Variants in GALNT13 observed in about 807,000 individuals in gnomAD.
GALNT13 encodes the protein UDP-GalNAc:polypeptide N-acetylgalactosaminyltransferase 13.
GALNT13 carries 28 observed loss-of-function variants against 64.2 expected under a neutral mutation model. The ratio of observed to expected loss-of-function variants is 0.44; its 90% CI spans 0.32 to 0.60. The LOEUF is 0.60. Ranked by LOEUF, GALNT13 falls within the 20% of genes least tolerant of loss-of-function variation. The pLI is 0.05. For missense variants in GALNT13, 577 were observed against 669.8 expected (o/e 0.86, Z 1.53); for synonymous variants, 214 against 224.6 (o/e 0.95, Z 0.42).
Position 153,979,532 on chromosome 2 carries a change from C to T in GALNT13, c.142+34893C>T, listed in dbSNP as rs528831850. On this transcript the variant is annotated intron_variant, in intron 3 of 12. Coordinates refer to ENST00000392825, the MANE Select transcript of GALNT13 (RefSeq NM_052917.4). ...ATTCCTCTTCTACCATCCTCCTTTT[C>T]TGCAATACTCATCAATTTCAATAGG... 3.3e-5 allele frequency among the ~76,000 whole-genome samples: 5 copies of T among 152,258 alleles called. No individual in the cohort carries two copies. In the East Asian group the frequency reaches 9.7e-4, roughly 29 times the overall value.
chr2:154,273,843 A>T (rs1691488192), intron 8 of GALNT13, among the ~76,000 whole-genome samples: 1 of 152,186 alleles, frequency 6.6e-6, no homozygotes, highest in African/African-American at 2.4e-5. Flanking sequence ...CAAAAGATGT[A>T]CAAGAGATGT....
chr2:153,131,944 A>G, the GALNT13 span, among the ~76,000 whole-genome samples: 1 of 152,096 alleles, frequency 6.6e-6, no homozygotes, highest in Non-Finnish European at 1.5e-5. Flanking sequence ...TAGAAGAGTG[A>G]CCTTACTGTA....
chr2:153,565,783 T>C, the GALNT13 span, among the ~76,000 whole-genome samples: 1 of 152,168 alleles, frequency 6.6e-6, no homozygotes, highest in African/African-American at 2.4e-5. Context: ...CACGTGCTTG[T>C]GCATACACAT....
the GALNT13 span, among the ~76,000 whole-genome samples, chr2:153,622,031 T>C: frequency 6.6e-6 from 1 of 152,130 alleles, no homozygotes; most frequent in Non-Finnish European, 1.5e-5. Context: ...GGTATGACTA[T>C]AAAGGAAGCC....
At chr2:154,330,535 C>G (rs1039590110) in intron 9 of GALNT13, among the ~76,000 whole-genome samples, 1 of 152,172 alleles carries the variant, frequency 6.6e-6, no homozygotes, top group Middle Eastern at 3.4e-3. Context: ...TCTTAACTGA[C>G]GAGGCTGTGT....
chr2:153,229,816 G>C, the GALNT13 span, among the ~76,000 whole-genome samples: 1 of 152,294 alleles, frequency 6.6e-6, no homozygotes, highest in East Asian at 1.9e-4. Flanking sequence ...TCATTCAACA[G>C]AGAAAAGCAC....
At chr2:154,422,244 G>T (rs1278104805) in intron 11 of GALNT13, among the ~76,000 whole-genome samples, 1 of 152,064 alleles carries the variant, frequency 6.6e-6, no homozygotes, top group Non-Finnish European at 1.5e-5. Context: ...AAAATACTTG[G>T]ACTGCACTTT....
the GALNT13 span, among the ~76,000 whole-genome samples, chr2:153,630,789 ATATATATATATATATATATT>A: frequency 1.5e-3 from 18 of 12,386 alleles, no homozygotes; most frequent in African/African-American, 3.9e-3. Context: ...ATATATATAT[ATATATATATATATATATATT>A]TTTTTTTTTT....
the GALNT13 span, among the ~76,000 whole-genome samples, chr2:153,405,248 T>C: frequency 0.084 from 12,758 of 152,198 alleles, 1,761 homozygotes; most frequent in African/African-American, 0.29. Context: ...TGAACCTATG[T>C]GAAGATTTGG....
chr2:153,474,774 G>C, the GALNT13 span, among the ~76,000 whole-genome samples: 1 of 152,032 alleles, frequency 6.6e-6, no homozygotes, highest in Non-Finnish European at 1.5e-5. Flanking sequence ...AGTCCCCCTG[G>C]GCCATGTCAG....
chr2:153,168,908 T>C, the GALNT13 span, among the ~76,000 whole-genome samples: 1 of 152,156 alleles, frequency 6.6e-6, no homozygotes, highest in African/African-American at 2.4e-5. Flanking sequence ...ATTTCACACA[T>C]TTATTAGAAT....
chr2:154,085,891 C>T (rs958345519), intron 3 of GALNT13, among the ~76,000 whole-genome samples: 1 of 151,292 alleles, frequency 6.6e-6, no homozygotes, highest in African/African-American at 2.4e-5. Context: ...GAGTGGGGCT[C>T]CATCTCTACA....
At chr2:154,419,685 A>G (rs1004175234) in intron 11 of GALNT13, among the ~76,000 whole-genome samples, 1 of 152,148 alleles carries the variant, frequency 6.6e-6, no homozygotes, top group Non-Finnish European at 1.5e-5. Flanking sequence ...ATTAAAAAAC[A>G]GCTTCGTAAA....
At chr2:154,150,550 A>G (rs374177510) in intron 4 of GALNT13, among the ~76,000 whole-genome samples, 3 of 151,856 alleles carry the variant, frequency 2.0e-5, no homozygotes, top group Non-Finnish European at 2.9e-5. Context: ...CTGTGAATCC[A>G]TCTGGTCCTG....
At chr2:154,345,351 CCCAGGTTGAAGGTTT>C (rs1696012835) in intron 9 of GALNT13, among the ~76,000 whole-genome samples, 1 of 151,892 alleles carries the variant, frequency 6.6e-6, no homozygotes, top group Non-Finnish European at 1.5e-5. Flanking sequence ...TTCCATGTTC[CCCAGGTTGAAGGTTT>C]CCTCCTTAGA....
At chr2:153,868,911 C>T (rs886289610), upstream of GALNT13, among the ~76,000 whole-genome samples, 1 of 152,196 alleles carries the variant, frequency 6.6e-6, no homozygotes, top group East Asian at 1.9e-4. Context: ...ACTTTCAACA[C>T]TCATTCAGAT....
the GALNT13 span, among the ~76,000 whole-genome samples, chr2:153,638,867 G>T: frequency 6.6e-6 from 1 of 152,046 alleles, no homozygotes; most frequent in Non-Finnish European, 1.5e-5. Context: ...AATGAAAAAA[G>T]TGTCAATTTT....
At chr2:154,240,553 T>C (rs1488926567) in intron 4 of GALNT13, among the ~76,000 whole-genome samples, 1 of 152,182 alleles carries the variant, frequency 6.6e-6, no homozygotes, top group Non-Finnish European at 1.5e-5. Flanking sequence ...GATGGGGCTG[T>C]GGCTTGCTTC....
At chr2:153,753,691 G>A in the GALNT13 span, among the ~76,000 whole-genome samples, 1 of 152,154 alleles carries the variant, frequency 6.6e-6, no homozygotes, top group Non-Finnish European at 1.5e-5. Context: ...TCTTGTCTAA[G>A]GTTTGCTGTA....
Sources: allele counts gnomAD v4.1 joint callset (sites outside exome capture counted in the v4.1 genomes callset), GRCh38; gene constraint gnomAD v4.1.1; transcripts MANE v1.5; gene names NCBI Gene and HGNC (gene_info 2026-07-23, HGNC 2026-07-21).